ADAMTSL1: variants seen among roughly 807,000 people sequenced by gnomAD.
The protein encoded by ADAMTSL1 is ADAMTS-like protein 1.
In ADAMTSL1, 126 loss-of-function variants were observed where a neutral mutation model predicts 201.8. The ratio of observed to expected loss-of-function variants is 0.62; its 90% CI spans 0.54 to 0.72. ADAMTSL1 has a LOEUF of 0.72. Ranked by LOEUF, ADAMTSL1 falls within the 30% of genes least tolerant of loss-of-function variation. ADAMTSL1 has a pLI of 0.00. For synonymous variants in ADAMTSL1, 1,121 were observed against 903.4 expected (o/e 1.24, Z -4.32); for missense variants, 2,679 against 2,277.8 (o/e 1.18, Z -3.59).
At chr9:18,252,239 A>T (rs942348580) in intron 2 of ADAMTSL1, among the ~76,000 whole-genome samples, 5 of 152,186 alleles carry the variant, frequency 3.3e-5, no homozygotes, top group African/African-American at 1.2e-4. Context: ...ATAACTCAGT[A>T]GAAAAATAGG....
chr9:17,957,689 T>C (rs1827983477), intron 1 of ADAMTSL1, among the ~76,000 whole-genome samples: 1 of 152,150 alleles, frequency 6.6e-6, no homozygotes, highest in African/African-American at 2.4e-5. Context: ...TTGCAAATTG[T>C]GAATGTAATA....
rs1442147139 is a variant in ADAMTSL1, at chr9:18,843,440, C to G, written c.4249+13463C>G. The stretch of plus-strand genomic sequence containing the variant: ...GATGGGCTTCCCTTTGTGGGTAACC[C>G]GACCTTTCTCTCTGGCTGCGTTTAA... On this transcript the variant is annotated intron_variant, in intron 23 of 28. Coordinates refer to ENST00000380548, the MANE Select transcript of ADAMTSL1 (RefSeq NM_001040272.6). 7.3e-5 allele frequency among the ~76,000 whole-genome samples: 11 copies of G among 150,956 alleles called. No individual in the cohort carries two copies. In the East Asian group the frequency reaches 2.1e-3, roughly 29 times the overall value.
chr9:18,470,463 T>A, upstream of ADAMTSL1, among the ~76,000 whole-genome samples: 1 of 152,204 alleles, frequency 6.6e-6, no homozygotes. Flanking sequence ...CTTCACTGCA[T>A]CCCTGTGGGG....
At chr9:18,828,022 T>A (rs1440665072) in intron 22 of ADAMTSL1, among the ~76,000 whole-genome samples, 1 of 152,216 alleles carries the variant, frequency 6.6e-6, no homozygotes, top group Non-Finnish European at 1.5e-5. Flanking sequence ...AAACTGAGAT[T>A]TCACCCCAAG....
At chr9:17,943,352 G>T (rs1294871921) in intron 1 of ADAMTSL1, among the ~76,000 whole-genome samples, 2 of 152,112 alleles carry the variant, frequency 1.3e-5, no homozygotes, top group Admixed American at 1.3e-4. Context: ...ATTCCATGTT[G>T]AATTATTGTA....
At chr9:18,314,357 C>A (rs930904960) in intron 2 of ADAMTSL1, among the ~76,000 whole-genome samples, 1 of 152,122 alleles carries the variant, frequency 6.6e-6, no homozygotes, top group Non-Finnish European at 1.5e-5. Context: ...AAGAATGAAG[C>A]TGTGGACCCT....
intron 2 of ADAMTSL1, among the ~76,000 whole-genome samples, chr9:18,193,872 G>A (rs1178381012): frequency 6.6e-6 from 1 of 152,048 alleles, no homozygotes; most frequent in Non-Finnish European, 1.5e-5. Context: ...AAAATTGTTT[G>A]CACACACTCA....
chr9:18,649,690 C>G (rs1015939723), intron 7 of ADAMTSL1, among the ~76,000 whole-genome samples: 11 of 152,186 alleles, frequency 7.2e-5, no homozygotes, highest in African/African-American at 2.7e-4. Context: ...GCAGCGGTGT[C>G]TACAGAACTG....
intron 2 of ADAMTSL1, among the ~76,000 whole-genome samples, chr9:18,379,008 A>G (rs1837430269): frequency 1.3e-5 from 2 of 152,226 alleles, no homozygotes; most frequent in African/African-American, 2.4e-5. Flanking sequence ...TAAGTAGAAT[A>G]TCAGATACTC....
At chr9:18,778,043 G>C in intron 19 of ADAMTSL1, 137 bp downstream of exon 19, 1 of 1,083,722 alleles carries the variant, frequency 9.2e-7, no homozygotes, top group Non-Finnish European at 1.3e-6. Context: ...ATCATGGGGT[G>C]CAGGCCCTCT....
intron 2 of ADAMTSL1, among the ~76,000 whole-genome samples, chr9:18,368,046 C>G (rs999521903): frequency 2.0e-5 from 3 of 151,824 alleles, no homozygotes; most frequent in Non-Finnish European, 4.4e-5. Context: ...ACTACAGGCG[C>G]CCGCCACCAC....
At chr9:18,755,465 T>A (rs1230148656) in intron 16 of ADAMTSL1, among the ~76,000 whole-genome samples, 4 of 152,226 alleles carry the variant, frequency 2.6e-5, no homozygotes, top group Non-Finnish European at 5.9e-5. Context: ...TGACTTTACA[T>A]CTTCCTGATA....
chr9:18,777,076 G>A lies in ADAMTSL1; in HGVS notation c.2847G>A (p.Ala949=), dbSNP rs774921372. Residue 949 remains alanine, a synonymous_variant, in exon 19 of 29, where the codon GCG becomes GCA. Coordinates refer to ENST00000380548, the MANE Select transcript of ADAMTSL1 (RefSeq NM_001040272.6). ...PSDAGVYTCS[A]GPAREHFVIK... is the part of the protein sequence containing the mutation. ...ATGCAGGCGTCTACACCTGCTCAGCGGGCCCGGCCCGGGAGCACTTTGTGA... is the reference window on the plus strand; with the variant it reads ...ATGCAGGCGTCTACACCTGCTCAGCAGGCCCGGCCCGGGAGCACTTTGTGA... 4.3e-5 allele frequency: 70 copies of A among 1,613,304 alleles called. 1 individual carries two copies. In the Middle Eastern group the frequency reaches 1.5e-3, roughly 34 times the overall value.
intron 2 of ADAMTSL1, among the ~76,000 whole-genome samples, chr9:18,404,046 A>AT (rs1165792623): frequency 2.6e-5 from 4 of 152,210 alleles, no homozygotes; most frequent in African/African-American, 9.7e-5. Context: ...CCATCATTTT[A>AT]TGGCTTACAA....
chr9:18,678,196 C>CT, intron 10 of ADAMTSL1, among the ~76,000 whole-genome samples: 1 of 152,162 alleles, frequency 6.6e-6, no homozygotes, highest in South Asian at 2.1e-4. Context: ...TAAACACACT[C>CT]TGTGTTTAAA....
intron 2 of ADAMTSL1, among the ~76,000 whole-genome samples, chr9:18,335,943 A>G (rs185157208): frequency 1.2e-3 from 183 of 152,282 alleles, no homozygotes; most frequent in African/African-American, 3.7e-3. Context: ...AGGAAGGGCT[A>G]TATTCTACAA....
At chr9:18,624,803 T>A (rs1367176954) in intron 5 of ADAMTSL1, among the ~76,000 whole-genome samples, 1 of 152,106 alleles carries the variant, frequency 6.6e-6, no homozygotes, top group Non-Finnish European at 1.5e-5. Context: ...TGCAAATAAA[T>A]ACCTCAATGA....
intron 1 of ADAMTSL1, among the ~76,000 whole-genome samples, chr9:18,022,972 T>C (rs1820542100): frequency 6.6e-6 from 1 of 152,138 alleles, no homozygotes; most frequent in South Asian, 2.1e-4. Flanking sequence ...TCTCTTACCC[T>C]CTTCCTCTTT....
At chr9:18,481,364 G>C (rs1378519895) in intron 1 of ADAMTSL1, among the ~76,000 whole-genome samples, 1 of 152,108 alleles carries the variant, frequency 6.6e-6, no homozygotes, top group Non-Finnish European at 1.5e-5. Flanking sequence ...GGCCAACATG[G>C]TGAAACCCCA....
Sources: gnomAD v4.1 joint callset for allele counts (sites outside exome capture counted in the v4.1 genomes callset) on GRCh38, gnomAD v4.1.1 for gene constraint, MANE v1.5 for transcripts, NCBI Gene and HGNC (gene_info 2026-07-23, HGNC 2026-07-21) for gene names.